Variants in CAPN2 observed in about 807,000 individuals in gnomAD.
CAPN2 encodes the protein calpain 2, also known as calpain-2 catalytic subunit.
CAPN2 carries 92 observed loss-of-function variants against 102.3 expected under a neutral mutation model. The ratio of observed to expected loss-of-function variants is 0.90; its 90% CI spans 0.76 to 1.07. The LOEUF is 1.07. CAPN2 is among the 50% of genes least tolerant of loss of function. The pLI is 0.00. For synonymous variants in CAPN2, 340 were observed against 355.4 expected (o/e 0.96, Z 0.49); for missense variants, 800 against 909.4 (o/e 0.88, Z 1.55).
chr1:223,742,869 C>G (rs1165046201), intron 2 of CAPN2, among the ~76,000 whole-genome samples: 1 of 152,186 alleles, frequency 6.6e-6, no homozygotes, highest in African/African-American at 2.4e-5. Context: ...ATAAATCCAA[C>G]AGTGAATTAA....
At chr1:223,774,042 A>T (rs959167888) in intron 20 of CAPN2, among the ~76,000 whole-genome samples, 5 of 152,072 alleles carry the variant, frequency 3.3e-5, no homozygotes, top group African/African-American at 1.2e-4. Flanking sequence ...CAAAAAATTT[A>T]AAATGAAATA....
intron 20 of CAPN2, 117 bp from the exon 21 acceptor site, chr1:223,774,717 T>C (rs1661569088): frequency 4.7e-6 from 4 of 845,106 alleles, no homozygotes; most frequent in Non-Finnish European, 4.0e-6. Flanking sequence ...GCACTGATAT[T>C]GTAGCCCTCA....
At chr1:223,744,075 A>C in intron 2 of CAPN2, 25 bp from the exon 3 acceptor site, 147 of 1,476,468 alleles carry the variant, frequency 1.0e-4, no homozygotes, top group Non-Finnish European at 1.3e-4. Context: ...CCCTCTGATA[A>C]GAGCTCCTTG....
rs1178513330 is a variant in CAPN2, at chr1:223,750,982, A to AG, written c.899+10dup. On this transcript the variant is annotated splice_region_variant and intron_variant, in intron 7 of 20. Coordinates refer to ENST00000295006, the MANE Select transcript of CAPN2 (RefSeq NM_001748.5). ...CAGGGCGGTGGAATGACAAGTGAGG[A>AG]GGGCGCAGGCCTCGGGGCCCCAGGC... The AG allele has an allele frequency of 3.2e-6, 5 of 1,551,646 alleles. No homozygotes were observed. The South Asian group carries it at 4.8e-5, about 15-fold the overall frequency.
chr1:223,772,138 T>G, intron 19 of CAPN2, 43 bp from the exon 20 acceptor site: 2 of 1,557,618 alleles, frequency 1.3e-6, no homozygotes, highest in Non-Finnish European at 1.8e-6. Context: ...GTGATCTGTT[T>G]CAGCTCACTC....
In CAPN2 at chr1:223,750,917, C is replaced by T. The variant is rs1440770183; in HGVS notation, c.841C>T (p.Leu281=). The T allele has an allele frequency of 6.4e-7, 1 of 1,552,536 alleles. No individual in the cohort carries two copies. Among genetic ancestry groups the T allele is most frequent in the East Asian group, 2.4e-5 (1 of 41,086 alleles). ...EVESNGSLQK[L]IRIRNPWGEV... is the part of the protein sequence containing the mutation. ...TGAAAGTAACGGAAGCCTACAGAAA[C>T]TGATCCGCATCCGAAATCCCTGGGG... The change falls in exon 7 of 21, where the codon CTG becomes TTG. Residue 281 remains leucine, a synonymous_variant. Coordinates refer to ENST00000295006, the MANE Select transcript of CAPN2 (RefSeq NM_001748.5).
chr1:223,759,366 C>T lies in CAPN2; in HGVS notation c.1414C>T (p.Leu472Phe), dbSNP rs773316055. Reference protein sequence around the residue: ...SDTFINLREVLNRFKLPPGEY... With the variant: ...SDTFINLREVFNRFKLPPGEY... ...CACCTTCATCAACCTCCGGGAGGTG[C>T]TCAACCGCTTCAAGCTGCCGCCAGG... is the stretch of plus-strand genomic sequence containing the variant. The change falls in exon 12 of 21, where the codon CTC (leucine) becomes TTC (phenylalanine). Residue 472 changes from leucine to phenylalanine, a missense_variant. Leu to Phe is a conservative substitution (Grantham distance 22). Transcript: ENST00000295006. The surrounding 1 kb of genome is among the most constrained non-coding windows in gnomAD (Gnocchi z 4.6). 4 of 1,614,230 alleles carry T rather than the reference C, an allele frequency of 2.5e-6. No individual in the cohort carries two copies. Among genetic ancestry groups the T allele is most frequent in the Admixed American group, 1.7e-5 (1 of 60,032 alleles).
Position 223,745,327 on chromosome 1 carries a change from G to A in CAPN2, c.448G>A (p.Val150Met), listed in dbSNP as rs369131658. 1.2e-6 allele frequency: 2 copies of A among 1,614,208 alleles called. No individual in the cohort carries two copies. Among genetic ancestry groups the A allele is most frequent in the Admixed American group, 1.7e-5 (1 of 60,034 alleles). ...GCAGTTCTGGCAATACGGCGAGTGGGTGGAGGTGGTGGTGGATGACAGGCT... is the reference window on the plus strand; with the variant it reads ...GCAGTTCTGGCAATACGGCGAGTGGATGGAGGTGGTGGTGGATGACAGGCT... ...HFQFWQYGEW[V>M]EVVVDDRLPT... The change falls in exon 4 of 21, where the codon GTG (valine) becomes ATG (methionine). Residue 150 changes from valine (V) to methionine (M), a missense_variant. Coordinates refer to ENST00000295006, the MANE Select transcript of CAPN2 (RefSeq NM_001748.5).
At chr1:223,703,388 C>T (rs1026341884) in intron 1 of CAPN2, among the ~76,000 whole-genome samples, 1 of 151,926 alleles carries the variant, frequency 6.6e-6, no homozygotes, top group African/African-American at 2.4e-5. Flanking sequence ...AAGTAGTCCT[C>T]TCACCTCTGC....
At chr1:223,748,301 G>A (rs1174313965) in intron 5 of CAPN2, among the ~76,000 whole-genome samples, 1 of 152,212 alleles carries the variant, frequency 6.6e-6, no homozygotes, top group Non-Finnish European at 1.5e-5. Flanking sequence ...CTCTGCGGGG[G>A]ACAGAGATAA....
At chr1:223,736,010 T>C (rs1330806319) in intron 2 of CAPN2, among the ~76,000 whole-genome samples, 1 of 152,104 alleles carries the variant, frequency 6.6e-6, no homozygotes, top group African/African-American at 2.4e-5. Flanking sequence ...GAACTCCTGA[T>C]CTCGTGATCT....
At chr1:223,708,278 C>G (rs765908074), upstream of CAPN2, among the ~76,000 whole-genome samples, 7 of 152,222 alleles carry the variant, frequency 4.6e-5, no homozygotes, top group Non-Finnish European at 7.3e-5. Context: ...CCCAGACTTG[C>G]AAACCAGAGA....
chr1:223,735,473 A>T (rs1350700000), intron 2 of CAPN2, among the ~76,000 whole-genome samples: 38 of 151,248 alleles, frequency 2.5e-4, no homozygotes, highest in Admixed American at 2.4e-3. Context: ...GGTTGCAGTG[A>T]GCTAAGATGG....
chr1:223,770,136 A>G, intron 17 of CAPN2: 2 of 590,788 alleles, frequency 3.4e-6, no homozygotes, highest in Non-Finnish European at 6.0e-6. Flanking sequence ...GATTATTGGG[A>G]TCATCTAAAG....
At position 223,752,861 on chromosome 1, in the gene CAPN2, C is replaced by G; in HGVS notation, c.1040C>G (p.Thr347Ser). ...RLEICNLTPD[T>S]LTSDTYKKWK... is the part of the protein sequence containing the mutation. Reference sequence around the variant, plus strand: ...GAGATCTGTAACCTGACCCCAGACACTCTCACCAGCGATACCTACAAGAAG... The same window carrying G: ...GAGATCTGTAACCTGACCCCAGACAGTCTCACCAGCGATACCTACAAGAAG... The change falls in exon 9 of 21, where the codon ACT becomes AGT. Residue 347 changes from threonine to serine, a missense_variant. Physicochemically the swap from Thr to Ser is moderately conservative, Grantham distance 58. Transcript: ENST00000295006. 6.2e-7 allele frequency: 1 copy of G among 1,614,128 alleles called. No individual in the cohort carries two copies. The highest frequency in any genetic ancestry group is 8.5e-7 in the Non-Finnish European group (1 of 1,179,980).
chr1:223,737,432 C>T (rs909428966), intron 2 of CAPN2, among the ~76,000 whole-genome samples: 8 of 152,090 alleles, frequency 5.3e-5, no homozygotes, highest in Admixed American at 3.3e-4. Flanking sequence ...GCCCTGCTAG[C>T]GGGAGATGTC....
intron 1 of CAPN2, among the ~76,000 whole-genome samples, chr1:223,706,112 A>G (rs1659599856): frequency 6.6e-6 from 1 of 152,196 alleles, no homozygotes; most frequent in African/African-American, 2.4e-5. Flanking sequence ...GGTGGGATGT[A>G]ATACCCTAAG....
chr1:223,738,570 C>T (rs1288428406), intron 2 of CAPN2, among the ~76,000 whole-genome samples: 1 of 152,152 alleles, frequency 6.6e-6, no homozygotes, highest in Non-Finnish European at 1.5e-5. Context: ...GAACGCAGGC[C>T]AGTTTTTTTT....
chr1:223,740,269 G>A lies in CAPN2; in HGVS notation c.308-3831G>A, dbSNP rs138101255. Among the ~76,000 whole-genome samples, 920 of 152,268 alleles carry A rather than the reference G, an allele frequency of 6.0e-3. 6 individuals are homozygous for A. The highest frequency in any genetic ancestry group is 0.021 in the African/African-American group (870 of 41,540). ...TTTGAAATGCTTGTTCCCTGGTGCC[G>A]TAAAGAAATAGCACTTGAACATAAA... On this transcript the variant is annotated intron_variant, in intron 2 of 20. Transcript: ENST00000295006.
Sources: allele counts gnomAD v4.1 joint callset (sites outside exome capture counted in the v4.1 genomes callset), GRCh38; gene constraint gnomAD v4.1.1; non-coding constraint Gnocchi (gnomAD v3.1); transcripts MANE v1.5; gene names NCBI Gene and HGNC (gene_info 2026-07-23, HGNC 2026-07-21).